The following PHACTR1 variants were observed in gnomAD, a reference collection of about 807,000 sequenced individuals.
PHACTR1 encodes the protein phosphatase and actin regulator 1, also known as RPEL repeat containing 1.
A neutral mutation model predicts 69.2 loss-of-function variants in PHACTR1; 16 were observed. The ratio of observed to expected loss-of-function variants is 0.23; its 90% CI spans 0.16 to 0.35. The LOEUF is 0.35. PHACTR1 is among the 10% of genes least tolerant of loss of function. The pLI is 1.00. For missense variants in PHACTR1, 510 were observed against 734.7 expected, an observed-to-expected ratio of 0.69 and a Z score of 3.54; for synonymous variants, 312 against 284.5, an observed-to-expected ratio of 1.10 and a Z score of -0.97.
At chr6:13,274,170 T>C (rs1226344092) in intron 11 of PHACTR1, 2 of 151,850 alleles carry the variant, frequency 1.3e-5, no homozygotes, top group African/African-American at 2.4e-5. Flanking sequence ...CCTTTATCAA[T>C]GTCTTGCCTC....
At chr6:13,032,075 C>T (rs558826747) in intron 4 of PHACTR1, among the ~76,000 whole-genome samples, 78 of 152,236 alleles carry the variant, frequency 5.1e-4, no homozygotes, top group South Asian at 3.9e-3. Flanking sequence ...AAAAGCAATT[C>T]TAGAATATAA....
chr6:13,189,581 G>C (rs746116217), intron 7 of PHACTR1, among the ~76,000 whole-genome samples: 13 of 151,824 alleles, frequency 8.6e-5, no homozygotes, highest in Non-Finnish European at 1.9e-4. Context: ...GTATTTTTTT[G>C]TAGAGAAGGA....
intron 7 of PHACTR1, among the ~76,000 whole-genome samples, chr6:13,196,077 T>A (rs931819891): frequency 2.0e-5 from 3 of 151,826 alleles, no homozygotes; most frequent in Non-Finnish European, 2.9e-5. Context: ...ACACTGCATC[T>A]CAATCAGTCT....
intron 5 of PHACTR1, among the ~76,000 whole-genome samples, chr6:13,130,206 A>G (rs534294930): frequency 8.7e-4 from 132 of 152,162 alleles, no homozygotes; most frequent in Non-Finnish European, 1.5e-3. Flanking sequence ...AAAGAGTGCA[A>G]ATAGACAATC....
chr6:13,244,215 G>A (rs1460192634), intron 10 of PHACTR1, among the ~76,000 whole-genome samples: 1 of 152,166 alleles, frequency 6.6e-6, no homozygotes, highest in Non-Finnish European at 1.5e-5. Flanking sequence ...TTTCAAAAGG[G>A]GAGGGAGTGC....
Position 13,061,335 on chromosome 6 carries a change from G to A in PHACTR1, c.415+7806G>A, listed in dbSNP as rs189732239. 2.1e-3 allele frequency among the ~76,000 whole-genome samples: 321 copies of A among 152,244 alleles called. 1 individual carries two copies. The highest frequency in any genetic ancestry group is 3.4e-3 in the Non-Finnish European group (232 of 68,004). On this transcript the variant is annotated intron_variant, in intron 5 of 14. Coordinates refer to ENST00000332995, the MANE Select transcript of PHACTR1 (RefSeq NM_030948.6). Reference sequence around the variant, plus strand: ...TTGGATGTATCTTTTAGGGCACACCGTTTGGCAGGGGACCCACTGCAGTAC... The same window carrying A: ...TTGGATGTATCTTTTAGGGCACACCATTTGGCAGGGGACCCACTGCAGTAC...
intron 4 of PHACTR1, among the ~76,000 whole-genome samples, chr6:12,789,634 C>T (rs1267331252): frequency 2.0e-5 from 3 of 152,102 alleles, no homozygotes; most frequent in Non-Finnish European, 4.4e-5. Context: ...TCTTCATTCC[C>T]ACCATAATTT....
chr6:13,105,214 CA>C (rs373234106), intron 5 of PHACTR1, among the ~76,000 whole-genome samples: 2,324 of 152,126 alleles, frequency 0.015, 68 homozygotes, highest in African/African-American at 0.053. Context: ...CTTGTCTCTA[CA>C]AAAAAATTTA....
intron 5 of PHACTR1, among the ~76,000 whole-genome samples, chr6:13,083,279 G>A (rs1361030784): frequency 1.3e-5 from 2 of 151,714 alleles, no homozygotes. Context: ...ATTTCTGAGG[G>A]CTCTGTTCTG....
At chr6:12,794,543 C>T (rs1772734354) in intron 4 of PHACTR1, among the ~76,000 whole-genome samples, 1 of 152,302 alleles carries the variant, frequency 6.6e-6, no homozygotes, top group Non-Finnish European at 1.5e-5. Flanking sequence ...TAAAAGAGAA[C>T]AGTTGGAATT....
intron 4 of PHACTR1, among the ~76,000 whole-genome samples, chr6:12,879,521 CT>C (rs372010606): frequency 1.0e-3 from 152 of 152,208 alleles, no homozygotes; most frequent in African/African-American, 3.1e-3. Context: ...TCTTCTTATT[CT>C]TTTTTTCTCT....
At position 12,948,662 on chromosome 6, in the gene PHACTR1, G is replaced by A. The variant is rs530471657; in HGVS notation, c.251-104703G>A. Reference sequence around the variant, plus strand: ...TTAAACCCTGACCCTGCCCGATTCCGGTACCTAAGCTTTGAACCCCATGTT... The same window carrying A: ...TTAAACCCTGACCCTGCCCGATTCCAGTACCTAAGCTTTGAACCCCATGTT... On this transcript the variant is annotated intron_variant, in intron 4 of 14. Coordinates refer to ENST00000332995, the MANE Select transcript of PHACTR1 (RefSeq NM_030948.6). Among the ~76,000 whole-genome samples, 156 of 152,224 alleles carry A rather than the reference G, an allele frequency of 1.0e-3. 1 individual carries two copies. The highest frequency in any genetic ancestry group is 3.5e-3 in the African/African-American group (147 of 41,518).
intron 4 of PHACTR1, among the ~76,000 whole-genome samples, chr6:12,949,038 A>T (rs1790985828): frequency 6.6e-6 from 1 of 152,182 alleles, no homozygotes; most frequent in Non-Finnish European, 1.5e-5. Flanking sequence ...TTGGAGGCCG[A>T]GGCGGGCAGA....
chr6:12,958,772 A>G (rs770297939), intron 4 of PHACTR1, among the ~76,000 whole-genome samples: 1 of 152,260 alleles, frequency 6.6e-6, no homozygotes, highest in Non-Finnish European at 1.5e-5. Flanking sequence ...AAGTGTCCTT[A>G]GAATAATATC....
chr6:13,039,998 A>G (rs1375965431), intron 4 of PHACTR1, among the ~76,000 whole-genome samples: 1 of 152,178 alleles, frequency 6.6e-6, no homozygotes, highest in Non-Finnish European at 1.5e-5. Flanking sequence ...ATCTTTCATT[A>G]TATACATGCT....
At position 13,203,657 on chromosome 6, in the gene PHACTR1, C is replaced by T. The variant is rs150799316; in HGVS notation, c.665-2158C>T. Among the ~76,000 whole-genome samples, 107 of 152,076 alleles carry T rather than the reference C, an allele frequency of 7.0e-4. 1 individual carries two copies. The Middle Eastern group carries it at 0.014, about 19-fold the overall frequency. On this transcript the variant is annotated intron_variant, in intron 7 of 14. Coordinates refer to ENST00000332995, the MANE Select transcript of PHACTR1 (RefSeq NM_030948.6). ...TGTTTGTGAGGTGGATCTTGAAGGGCGACTAGTAATTGACCAAGAAGACAA... is the reference window on the plus strand; with the variant it reads ...TGTTTGTGAGGTGGATCTTGAAGGGTGACTAGTAATTGACCAAGAAGACAA...
At chr6:13,162,275 T>TTTTGTTTG (rs144466160) in intron 6 of PHACTR1, among the ~76,000 whole-genome samples, 14,228 of 149,770 alleles carry the variant, frequency 0.095, 1,576 homozygotes, top group African/African-American at 0.27. Context: ...ACTTTTGTTT[T>TTTTGTTTG]TTTGTTTGTT....
intron 5 of PHACTR1, among the ~76,000 whole-genome samples, chr6:13,127,431 A>G (rs1443210373): frequency 6.6e-6 from 1 of 152,112 alleles, no homozygotes; most frequent in African/African-American, 2.4e-5. Context: ...TTAGCTGGGT[A>G]TGGTGGCACA....
intron 6 of PHACTR1, among the ~76,000 whole-genome samples, chr6:13,173,861 C>T (rs1760954920): frequency 6.6e-6 from 1 of 152,200 alleles, no homozygotes; most frequent in African/African-American, 2.4e-5. Context: ...GCATGCGCCA[C>T]AACGCCCGGC....
Sources: gnomAD v4.1 joint callset for allele counts (sites outside exome capture counted in the v4.1 genomes callset) on GRCh38, gnomAD v4.1.1 for gene constraint, MANE v1.5 for transcripts, NCBI Gene and HGNC (gene_info 2026-07-23, HGNC 2026-07-21) for gene names.